Variants in CAMK1D observed in about 807,000 individuals in gnomAD.
CAMK1D encodes calcium/calmodulin dependent protein kinase ID.
In CAMK1D, 9 loss-of-function variants were observed where a neutral mutation model predicts 47.7. The ratio of observed to expected loss-of-function variants is 0.19; its 90% confidence interval spans 0.11 to 0.33. The LOEUF (loss-of-function observed/expected upper bound fraction) is 0.33, where lower values mean the gene tolerates loss of function less well. CAMK1D is among the 10% of genes least tolerant of loss of function. The pLI, the probability that CAMK1D is intolerant of heterozygous loss-of-function variation, is 1.00. For missense variants in CAMK1D, 291 were observed against 488.7 expected (o/e 0.60, Z 3.81); for synonymous variants, 184 against 184.9 (o/e 0.99, Z 0.04).
intron 1 of CAMK1D, among the ~76,000 whole-genome samples, chr10:12,359,253 A>C (rs1190974699): frequency 6.6e-6 from 1 of 152,176 alleles, no homozygotes; most frequent in Admixed American, 6.5e-5. Flanking sequence ...GGTGCACGGG[A>C]ACCACTGAGA....
intron 1 of CAMK1D, among the ~76,000 whole-genome samples, chr10:12,363,150 A>C (rs376323606): frequency 7.6e-5 from 11 of 144,962 alleles, no homozygotes; most frequent in South Asian, 6.6e-4. Context: ...CATATTGGTC[A>C]GGCTGGTCTT....
intron 1 of CAMK1D, among the ~76,000 whole-genome samples, chr10:12,440,116 T>C (rs1832743904): frequency 6.6e-6 from 1 of 152,120 alleles, no homozygotes. Flanking sequence ...ACCATATCAC[T>C]TGTCTTACTT....
chr10:12,761,383 C>T (rs781120010), intron 4 of CAMK1D, among the ~76,000 whole-genome samples: 3 of 152,268 alleles, frequency 2.0e-5, no homozygotes, highest in East Asian at 1.9e-4. Context: ...ATCTAAGAGA[C>T]GATTTTGCTC....
intron 3 of CAMK1D, among the ~76,000 whole-genome samples, chr10:12,707,791 T>G (rs1477642676): frequency 2.0e-5 from 3 of 152,180 alleles, no homozygotes; most frequent in African/African-American, 7.2e-5. Context: ...ATACCTGCCT[T>G]TGAAGTTTAT....
intron 1 of CAMK1D, among the ~76,000 whole-genome samples, chr10:12,370,124 T>A (rs998851979): frequency 6.6e-6 from 1 of 152,114 alleles, no homozygotes; most frequent in African/African-American, 2.4e-5. Flanking sequence ...ATACATGGAC[T>A]GCATATACGA....
intron 6 of CAMK1D, among the ~76,000 whole-genome samples, chr10:12,808,080 C>T (rs531079877): frequency 2.7e-3 from 414 of 152,306 alleles, no homozygotes; most frequent in African/African-American, 9.6e-3. Flanking sequence ...TTTTATGCCC[C>T]ATGCTCTTAT....
At chr10:12,661,862 G>A (rs1296633493) in intron 2 of CAMK1D, among the ~76,000 whole-genome samples, 2 of 152,196 alleles carry the variant, frequency 1.3e-5, no homozygotes, top group Non-Finnish European at 2.9e-5. Context: ...AGACTGTAGT[G>A]GTTGCTAGGA....
chr10:12,563,360 A>T (rs1013161227), intron 2 of CAMK1D, among the ~76,000 whole-genome samples: 1 of 152,202 alleles, frequency 6.6e-6, no homozygotes, highest in African/African-American at 2.4e-5. Context: ...TCTCTAAAAA[A>T]AAAGGGAAGA....
chr10:12,719,210 C>G (rs1396391412), intron 3 of CAMK1D, among the ~76,000 whole-genome samples: 1 of 151,880 alleles, frequency 6.6e-6, no homozygotes, highest in Admixed American at 6.6e-5. Context: ...AGTTCGAGAC[C>G]AGCCTGGCCA....
At chr10:12,554,767 C>T (rs1836708621) in intron 2 of CAMK1D, among the ~76,000 whole-genome samples, 1 of 151,924 alleles carries the variant, frequency 6.6e-6, no homozygotes, top group Admixed American at 6.6e-5. Flanking sequence ...TGGTCTTGAA[C>T]TCCTGGCCTC....
intron 2 of CAMK1D, among the ~76,000 whole-genome samples, chr10:12,589,968 A>G (rs1837948081): frequency 6.6e-6 from 1 of 152,184 alleles, no homozygotes; most frequent in African/African-American, 2.4e-5. Flanking sequence ...AAGGGGAAAG[A>G]ACAGGAGCAA....
At chr10:12,495,993 T>A (rs1452071360) in intron 1 of CAMK1D, among the ~76,000 whole-genome samples, 3 of 151,910 alleles carry the variant, frequency 2.0e-5, no homozygotes, top group African/African-American at 7.3e-5. Context: ...GTGCCCTCTA[T>A]TTTTTTGGTA....
chr10:12,589,303 T>A (rs1202881402), intron 2 of CAMK1D, among the ~76,000 whole-genome samples: 1 of 152,192 alleles, frequency 6.6e-6, no homozygotes, highest in Non-Finnish European at 1.5e-5. Context: ...CGTGAGCCAC[T>A]GCGCGCAGCC....
intron 1 of CAMK1D, among the ~76,000 whole-genome samples, chr10:12,433,247 T>C (rs1181729108): frequency 2.6e-5 from 4 of 152,164 alleles, no homozygotes; most frequent in Non-Finnish European, 5.9e-5. Flanking sequence ...CTTTTTTGCC[T>C]ACCACGTTTG....
chr10:12,564,423 A>G (rs1280080659), intron 2 of CAMK1D, among the ~76,000 whole-genome samples: 1 of 152,088 alleles, frequency 6.6e-6, no homozygotes, highest in East Asian at 1.9e-4. Context: ...TTTATGACTC[A>G]CTGTGTATTT....
chr10:12,667,432 TCAAA>T (rs1463690832), intron 3 of CAMK1D, among the ~76,000 whole-genome samples: 1 of 152,198 alleles, frequency 6.6e-6, no homozygotes, highest in Non-Finnish European at 1.5e-5. Flanking sequence ...AGCCAGATAT[TCAAA>T]TAAAGACTTT....
chr10:12,412,010 T>G (rs1839674491), intron 1 of CAMK1D, among the ~76,000 whole-genome samples: 1 of 152,198 alleles, frequency 6.6e-6, no homozygotes, highest in Non-Finnish European at 1.5e-5. Context: ...CCAGTCTTGC[T>G]TGAGGTTTGA....
intron 1 of CAMK1D, among the ~76,000 whole-genome samples, chr10:12,419,990 T>C (rs989462812): frequency 6.6e-6 from 1 of 152,054 alleles, no homozygotes; most frequent in Non-Finnish European, 1.5e-5. Flanking sequence ...GACAGAGTCT[T>C]GCTCTGTCGC....
At chr10:12,553,906 A>G (rs988621047) in intron 2 of CAMK1D, among the ~76,000 whole-genome samples, 5 of 152,122 alleles carry the variant, frequency 3.3e-5, no homozygotes, top group Non-Finnish European at 7.4e-5. Flanking sequence ...TGCAGCTCCT[A>G]TGTGGCAGAG....
Sources: gnomAD v4.1 joint callset for allele counts (sites outside exome capture counted in the v4.1 genomes callset) on GRCh38, gnomAD v4.1.1 for gene constraint, MANE v1.5 for transcripts, NCBI Gene and HGNC (gene_info 2026-07-23, HGNC 2026-07-21) for gene names.